The following CUL2 variants were observed in gnomAD, a reference collection of about 807,000 sequenced individuals.
CUL2 encodes cullin-2.
CUL2 carries 22 observed loss-of-function variants against 110.2 expected under a neutral mutation model. That is an observed-to-expected ratio of 0.20 (90% CI 0.14 to 0.28). The LOEUF is 0.28. CUL2 is among the 10% of genes least tolerant of loss of function. CUL2 has a pLI of 1.00. For synonymous variants in CUL2, 279 were observed against 293.2 expected (o/e 0.95, Z 0.49); for missense variants, 631 against 905.5 (o/e 0.70, Z 3.89).
intron 2 of CUL2, among the ~76,000 whole-genome samples, chr10:35,065,965 C>T (rs2086510627): frequency 6.6e-6 from 1 of 152,210 alleles, no homozygotes; most frequent in South Asian, 2.1e-4. Flanking sequence ...AATACAAAAA[C>T]TCCTCTATTT....
chr10:35,115,870 A>G (rs1330514221), intron 1 of CUL2, among the ~76,000 whole-genome samples: 1 of 151,666 alleles, frequency 6.6e-6, no homozygotes, highest in East Asian at 2.0e-4. Flanking sequence ...TCCAGCCTGC[A>G]TGACAAAGTG....
intron 19 of CUL2, among the ~76,000 whole-genome samples, chr10:35,012,472 A>G (rs2084927098): frequency 6.6e-6 from 1 of 152,134 alleles, no homozygotes. Context: ...ATACTGGATC[A>G]GGCTTCAAAG....
At chr10:35,081,618 G>A (rs2086949155) in intron 1 of CUL2, among the ~76,000 whole-genome samples, 1 of 152,122 alleles carries the variant, frequency 6.6e-6, no homozygotes, top group South Asian at 2.1e-4. Flanking sequence ...TTTTGGCTGT[G>A]TGCAGTGGCC....
At chr10:35,021,858 A>AGG (rs2085204453) in intron 17 of CUL2, among the ~76,000 whole-genome samples, 1 of 15,330 alleles carries the variant, frequency 6.5e-5, no homozygotes, top group Non-Finnish European at 1.3e-4. Flanking sequence ...AGGTGAGGTG[A>AGG]GGTGGGGTGG....
At chr10:35,081,447 A>T (rs72789685) in intron 1 of CUL2, among the ~76,000 whole-genome samples, 20,884 of 151,820 alleles carry the variant, frequency 0.14, 1,602 homozygotes, top group South Asian at 0.2. Context: ...TGACATTTTT[A>T]AAAAAAACTA....
chr10:35,074,946 C>T (rs1589038792), intron 1 of CUL2, among the ~76,000 whole-genome samples: 2 of 152,330 alleles, frequency 1.3e-5, no homozygotes, highest in East Asian at 3.9e-4. Context: ...AATTCTGTAA[C>T]TGCGTACCAA....
At chr10:35,039,826 G>T (rs541388643) in intron 8 of CUL2, among the ~76,000 whole-genome samples, 1 of 152,202 alleles carries the variant, frequency 6.6e-6, no homozygotes, top group Admixed American at 6.5e-5. Flanking sequence ...CTGCACTCCA[G>T]CCTGTGTGAC....
At chr10:35,025,029 G>A in intron 17 of CUL2, 103 bp downstream of exon 17, 3 of 1,338,968 alleles carry the variant, frequency 2.2e-6, no homozygotes, top group Non-Finnish European at 2.9e-6. Context: ...TGATGGAGGA[G>A]AAAAGGTTAA....
rs187148146 is a variant in CUL2, at chr10:35,077,334, A to C, written c.-22-5995T>G. Among the ~76,000 whole-genome samples the C allele has an allele frequency of 5.6e-3, 845 of 150,698 alleles. 7 individuals are homozygous for C. The highest frequency in any genetic ancestry group is 6.9e-3 in the Non-Finnish European group (469 of 67,692). Reference sequence around the variant, plus strand: ...AAACAAAAACAAACAAACAAACAAAAAAAACAAACAAAAATTAGCCGGGTG... The same window carrying C: ...AAACAAAAACAAACAAACAAACAAACAAAACAAACAAAAATTAGCCGGGTG... On this transcript the variant is annotated intron_variant, in intron 1 of 20. Coordinates refer to ENST00000374749, the MANE Select transcript of CUL2 (RefSeq NM_003591.4).
chr10:35,085,884 TG>T (rs1175667507), intron 1 of CUL2, among the ~76,000 whole-genome samples: 1 of 152,020 alleles, frequency 6.6e-6, no homozygotes, highest in Non-Finnish European at 1.5e-5. Flanking sequence ...GCATAAGGGT[TG>T]AAAAACGGTT....
chr10:35,084,722 A>T (rs2087018733), intron 1 of CUL2, among the ~76,000 whole-genome samples: 1 of 152,204 alleles, frequency 6.6e-6, no homozygotes, highest in African/African-American at 2.4e-5. Flanking sequence ...ATCTCATAAC[A>T]TTCCAAATCG....
intron 1 of CUL2, among the ~76,000 whole-genome samples, chr10:35,106,557 C>T (rs1564755169): frequency 6.6e-6 from 1 of 151,004 alleles, no homozygotes; most frequent in African/African-American, 2.4e-5. Context: ...TGGTCTCAAT[C>T]TCCTGACCTC....
chr10:35,037,281 A>G (rs1394374514), intron 9 of CUL2, among the ~76,000 whole-genome samples: 1 of 152,238 alleles, frequency 6.6e-6, no homozygotes, highest in Non-Finnish European at 1.5e-5. Flanking sequence ...TGAAAAGACC[A>G]TCTTTTACCT....
intron 17 of CUL2, among the ~76,000 whole-genome samples, chr10:35,017,885 A>G (rs1349609279): frequency 4.0e-5 from 6 of 151,746 alleles, no homozygotes; most frequent in African/African-American, 1.5e-4. Flanking sequence ...TAAAAAAAAA[A>G]AAAAAGAAAA....
chr10:35,071,708 A>T (rs1330885586), intron 1 of CUL2, among the ~76,000 whole-genome samples: 1 of 152,104 alleles, frequency 6.6e-6, no homozygotes. Flanking sequence ...ACACCCGGCC[A>T]GTTATTTGTT....
chr10:35,058,014 C>T (rs2086286337), intron 4 of CUL2, among the ~76,000 whole-genome samples: 1 of 152,150 alleles, frequency 6.6e-6, no homozygotes. Context: ...AGGAGAATCA[C>T]TTGAATCTGG....
At chr10:35,083,170 GAAAGAA>G (rs2086982904) in intron 1 of CUL2, among the ~76,000 whole-genome samples, 1 of 142,536 alleles carries the variant, frequency 7.0e-6, no homozygotes, top group African/African-American at 2.6e-5. Context: ...AAAAAAAAAA[GAAAGAA>G]AAAGAAAAAA....
At chr10:35,036,389 C>T (rs892877027) in intron 9 of CUL2, among the ~76,000 whole-genome samples, 2 of 152,186 alleles carry the variant, frequency 1.3e-5, no homozygotes, top group Non-Finnish European at 2.9e-5. Flanking sequence ...ACAAACACTA[C>T]TATGAACATT....
chr10:35,093,279 T>G (rs1451275813), upstream of CUL2, among the ~76,000 whole-genome samples: 1 of 151,724 alleles, frequency 6.6e-6, no homozygotes, highest in Non-Finnish European at 1.5e-5. Context: ...AAACACTTTC[T>G]CTACTGCAAT....
Sources: gnomAD v4.1 joint callset for allele counts (sites outside exome capture counted in the v4.1 genomes callset) on GRCh38, gnomAD v4.1.1 for gene constraint, MANE v1.5 for transcripts, NCBI Gene and HGNC (gene_info 2026-07-23, HGNC 2026-07-21) for gene names.